Variants in CADM2 observed in about 807,000 individuals in gnomAD.
CADM2 encodes the protein immunoglobulin superfamily member 4D.
A neutral mutation model predicts 49.8 loss-of-function variants in CADM2; 12 were observed. That is an observed-to-expected ratio of 0.24 (90% CI 0.15 to 0.39). The LOEUF is 0.39. CADM2 is among the 10% of genes least tolerant of loss of function. The pLI is 1.00. For missense variants in CADM2, 378 were observed against 492.3 expected (o/e 0.77, Z 2.20); for synonymous variants, 214 against 175.4 (o/e 1.22, Z -1.74).
chr3:85,307,777 A>T (rs938611383), intron 1 of CADM2, among the ~76,000 whole-genome samples: 7 of 151,742 alleles, frequency 4.6e-5, no homozygotes, highest in Non-Finnish European at 1.0e-4. Context: ...TGTTCAAAAA[A>T]TGCTGATTAT....
chr3:86,041,354 A>C (rs1190708391), intron 8 of CADM2, among the ~76,000 whole-genome samples: 1 of 152,208 alleles, frequency 6.6e-6, no homozygotes, highest in African/African-American at 2.4e-5. Flanking sequence ...TTGCAGAGAC[A>C]CACATAGGCT....
intron 2 of CADM2, among the ~76,000 whole-genome samples, chr3:85,790,834 A>C (rs2071279445): frequency 6.6e-6 from 1 of 152,096 alleles, no homozygotes. Flanking sequence ...AATGGAATAC[A>C]GGTCTCCAAA....
At chr3:85,002,462 A>G (rs548764865) in intron 1 of CADM2, among the ~76,000 whole-genome samples, 1 of 152,232 alleles carries the variant, frequency 6.6e-6, no homozygotes, top group Non-Finnish European at 1.5e-5. Context: ...ACCCATCACA[A>G]TCAGAAGCAA....
At chr3:85,970,170 C>A (rs1725946559) in intron 8 of CADM2, among the ~76,000 whole-genome samples, 1 of 149,538 alleles carries the variant, frequency 6.7e-6, no homozygotes. Flanking sequence ...TTAAGTGATT[C>A]AAAACATAAA....
intron 1 of CADM2, among the ~76,000 whole-genome samples, chr3:85,505,942 A>G (rs1387460692): frequency 4.6e-5 from 7 of 152,114 alleles, no homozygotes; most frequent in Non-Finnish European, 8.8e-5. Context: ...TTTTTTTGCT[A>G]TAGGTCAAGT....
intron 1 of CADM2, among the ~76,000 whole-genome samples, chr3:85,144,822 T>C (rs1360483471): frequency 6.6e-6 from 1 of 152,134 alleles, no homozygotes; most frequent in African/African-American, 2.4e-5. Context: ...CTGGTAAAAA[T>C]TACAAGATAG....
At chr3:85,114,945 G>A (rs2038590353) in intron 1 of CADM2, among the ~76,000 whole-genome samples, 1 of 152,044 alleles carries the variant, frequency 6.6e-6, no homozygotes, top group Non-Finnish European at 1.5e-5. Context: ...TTCATATAAT[G>A]GGGCCTAAAG....
intron 5 of CADM2, among the ~76,000 whole-genome samples, chr3:85,888,338 C>G (rs1577573060): frequency 6.6e-6 from 1 of 151,978 alleles, no homozygotes; most frequent in Non-Finnish European, 1.5e-5. Context: ...GTTTTAAATG[C>G]CAAACAGATT....
intron 1 of CADM2, among the ~76,000 whole-genome samples, chr3:85,681,501 C>T (rs963867077): frequency 6.6e-6 from 1 of 151,956 alleles, no homozygotes; most frequent in Non-Finnish European, 1.5e-5. Context: ...AATATGCAGG[C>T]TTCTCTAAAT....
At chr3:85,087,172 A>G (rs1345422575) in intron 1 of CADM2, among the ~76,000 whole-genome samples, 2 of 152,192 alleles carry the variant, frequency 1.3e-5, no homozygotes, top group South Asian at 2.1e-4. Context: ...TGATCCTTGC[A>G]TGCATGAATC....
intron 1 of CADM2, among the ~76,000 whole-genome samples, chr3:85,364,353 C>T (rs932821680): frequency 6.6e-6 from 1 of 152,134 alleles, no homozygotes. Context: ...GTTTACATTT[C>T]TGTTAAAACT....
chr3:86,020,006 G>A lies in CADM2; in HGVS notation c.971-45599G>A, dbSNP rs551137008. Among the ~76,000 whole-genome samples the A allele has an allele frequency of 3.9e-5, 6 of 152,216 alleles. No homozygotes were observed. The East Asian group carries it at 1.2e-3, about 29-fold the overall frequency. On this transcript the variant is annotated intron_variant, in intron 8 of 9. Transcript: ENST00000383699. ...AACTAAAATCAGAACAGAACTGAAG[G>A]AAATAGAGACACAAAAAACCCTTCA...
chr3:85,403,271 A>C (rs2035207386), intron 1 of CADM2, among the ~76,000 whole-genome samples: 1 of 152,108 alleles, frequency 6.6e-6, no homozygotes, highest in African/African-American at 2.4e-5. Context: ...TTAAGTATGT[A>C]GTTCTTTACT....
At chr3:85,360,430 T>C (rs2032275393) in intron 1 of CADM2, among the ~76,000 whole-genome samples, 1 of 152,206 alleles carries the variant, frequency 6.6e-6, no homozygotes, top group Non-Finnish European at 1.5e-5. Flanking sequence ...CAAATCAAAT[T>C]TGGCTCACCA....
In CADM2 at chr3:85,666,508, C is replaced by A. The variant is rs2065573353; in HGVS notation, c.62-60014C>A. 1.3e-4 allele frequency among the ~76,000 whole-genome samples: 19 copies of A among 151,804 alleles called. No individual in the cohort carries two copies. In the South Asian group the frequency reaches 3.7e-3, roughly 30 times the overall value. On this transcript the variant is annotated intron_variant, in intron 1 of 9. Transcript: ENST00000383699. ...AGAGAGATTAAGAAAAGAAAACACA[C>A]AAAAAAATATTTAATATATTTTACA... is the stretch of plus-strand genomic sequence containing the variant.
At chr3:85,317,018 G>T (rs2044481483) in intron 1 of CADM2, among the ~76,000 whole-genome samples, 1 of 152,192 alleles carries the variant, frequency 6.6e-6, no homozygotes, top group African/African-American at 2.4e-5. Context: ...ATGGGTAGAT[G>T]AAACTGAGAT....
chr3:85,982,005 T>G (rs543145099), intron 8 of CADM2, among the ~76,000 whole-genome samples: 1 of 151,878 alleles, frequency 6.6e-6, no homozygotes, highest in South Asian at 2.1e-4. Flanking sequence ...CTCTGCAAAC[T>G]TGCCTGCATC....
At chr3:85,744,996 G>C (rs1197079995) in intron 2 of CADM2, among the ~76,000 whole-genome samples, 1 of 152,136 alleles carries the variant, frequency 6.6e-6, no homozygotes, top group Non-Finnish European at 1.5e-5. Flanking sequence ...AAGAGTTAAT[G>C]GTGGTTTTTA....
At chr3:85,846,839 G>A (rs981968444) in intron 3 of CADM2, among the ~76,000 whole-genome samples, 25 of 152,124 alleles carry the variant, frequency 1.6e-4, no homozygotes, top group Admixed American at 1.0e-3. Context: ...TCCAGTCTGC[G>A]TGACAGAGTA....
Sources: gnomAD v4.1 joint callset for allele counts (sites outside exome capture counted in the v4.1 genomes callset) on GRCh38, gnomAD v4.1.1 for gene constraint, MANE v1.5 for transcripts, NCBI Gene and HGNC (gene_info 2026-07-23, HGNC 2026-07-21) for gene names.